NKAIN3: variants seen among roughly 807,000 people sequenced by gnomAD.
NKAIN3 encodes sodium/potassium-transporting ATPase subunit beta-1-interacting protein 3.
In NKAIN3, 25 loss-of-function variants were observed where a neutral mutation model predicts 30.2. That is an observed-to-expected ratio of 0.83 (90% CI 0.60 to 1.16). The LOEUF (loss-of-function observed/expected upper bound fraction) is 1.16. Ranked by LOEUF, NKAIN3 falls within the 50% of genes most tolerant of loss-of-function variation. NKAIN3 has a pLI of 0.00. For synonymous variants in NKAIN3, 91 were observed against 89.6 expected (o/e 1.02, Z -0.09); for missense variants, 225 against 254.1 (o/e 0.89, Z 0.78).
At chr8:62,296,309 C>T (rs1225541631) in intron 1 of NKAIN3, among the ~76,000 whole-genome samples, 3 of 152,090 alleles carry the variant, frequency 2.0e-5, no homozygotes, top group African/African-American at 7.2e-5. Flanking sequence ...GTCATGAGAA[C>T]CAGACTGCTG....
At chr8:62,872,456 A>G (rs1820674684) in intron 4 of NKAIN3, among the ~76,000 whole-genome samples, 2 of 152,218 alleles carry the variant, frequency 1.3e-5, no homozygotes, top group South Asian at 4.1e-4. Context: ...CTCATGCACA[A>G]CAGCTGAGAT....
At chr8:62,780,740 T>C (rs1456116250) in intron 4 of NKAIN3, among the ~76,000 whole-genome samples, 2 of 152,074 alleles carry the variant, frequency 1.3e-5, no homozygotes, top group Non-Finnish European at 2.9e-5. Flanking sequence ...TCAATACCCT[T>C]TCATGAATAA....
chr8:62,361,404 TAA>T (rs1816557875), intron 1 of NKAIN3, among the ~76,000 whole-genome samples: 1 of 152,236 alleles, frequency 6.6e-6, no homozygotes. Context: ...ACTAATAGCG[TAA>T]GCTCTGTGAA....
At chr8:62,667,461 A>G (rs1326775790) in intron 3 of NKAIN3, among the ~76,000 whole-genome samples, 2 of 150,568 alleles carry the variant, frequency 1.3e-5, no homozygotes, top group African/African-American at 4.9e-5. Context: ...TGTGATCGCC[A>G]CACTTTATGC....
intron 3 of NKAIN3, among the ~76,000 whole-genome samples, chr8:62,690,502 G>A (rs1413607421): frequency 6.6e-6 from 1 of 152,150 alleles, no homozygotes; most frequent in Non-Finnish European, 1.5e-5. Flanking sequence ...GTACAATCTG[G>A]GAAGTTTTCC....
rs547692638 is a variant in NKAIN3, at chr8:62,435,305, A to G, written c.55-144234A>G. The stretch of plus-strand genomic sequence containing the variant: ...TAACCAGTTTCTGACTCATAGCAGC[A>G]TCAGATTCTGACACCTGAAGGTTAT... On this transcript the variant is annotated intron_variant, in intron 1 of 6. Transcript: ENST00000623646. Among the ~76,000 whole-genome samples, 8 of 152,250 alleles carry G rather than the reference A, an allele frequency of 5.3e-5. No homozygotes were observed. The East Asian group carries it at 1.4e-3, about 26-fold the overall frequency.
intron 4 of NKAIN3, among the ~76,000 whole-genome samples, chr8:62,755,620 G>A (rs527825255): frequency 9.9e-4 from 150 of 151,698 alleles, no homozygotes; most frequent in Non-Finnish European, 1.9e-3. Flanking sequence ...TGTCCCAAAA[G>A]CCTCCCAGGA....
chr8:62,413,375 T>G (rs555213063), intron 1 of NKAIN3, among the ~76,000 whole-genome samples: 4 of 152,342 alleles, frequency 2.6e-5, no homozygotes, highest in Admixed American at 2.6e-4. Context: ...TTGGGACAAC[T>G]GCCACACCAC....
intron 1 of NKAIN3, among the ~76,000 whole-genome samples, chr8:62,484,476 A>G (rs1806837644): frequency 6.6e-6 from 1 of 152,006 alleles, no homozygotes; most frequent in Non-Finnish European, 1.5e-5. Context: ...GATCTTGGTT[A>G]TGAATAGCCC....
chr8:62,821,295 T>C (rs1340877675), intron 4 of NKAIN3, among the ~76,000 whole-genome samples: 6 of 152,196 alleles, frequency 3.9e-5, no homozygotes, highest in Admixed American at 3.9e-4. Flanking sequence ...TATCCTTTGC[T>C]TATTTGTCTG....
intron 1 of NKAIN3, among the ~76,000 whole-genome samples, chr8:62,551,219 AT>A (rs1809198377): frequency 6.6e-6 from 1 of 152,174 alleles, no homozygotes; most frequent in South Asian, 2.1e-4. Context: ...TCCTAAGTAG[AT>A]AAGAGGGAAT....
rs867823389 is a variant in NKAIN3, at chr8:62,376,034, C to T, written c.54+126907C>T. ...ATGCAATCTCTCTCCTAATGGTGCT[C>T]ATATGCAGTCACTAATGAAAATTGT... On this transcript the variant is annotated intron_variant, in intron 1 of 6. Coordinates refer to ENST00000623646, the MANE Select transcript of NKAIN3 (RefSeq NM_001304533.3). Among the ~76,000 whole-genome samples the T allele has an allele frequency of 1.8e-4, 28 of 152,168 alleles. 1 individual carries two copies. The highest frequency in any genetic ancestry group is 6.3e-3 in the Middle Eastern group (2 of 316).
intron 1 of NKAIN3, among the ~76,000 whole-genome samples, chr8:62,578,433 T>C (rs944362768): frequency 6.6e-6 from 1 of 152,114 alleles, no homozygotes; most frequent in African/African-American, 2.4e-5. Context: ...CAAGATAAAT[T>C]TTCTTGTAGG....
intron 1 of NKAIN3, among the ~76,000 whole-genome samples, chr8:62,360,734 A>C (rs991000795): frequency 9.2e-5 from 14 of 152,078 alleles, no homozygotes; most frequent in African/African-American, 3.4e-4. Flanking sequence ...AAAGTCTCCC[A>C]CTATTATTGT....
intron 3 of NKAIN3, among the ~76,000 whole-genome samples, chr8:62,602,440 A>G (rs1289169010): frequency 1.3e-5 from 2 of 152,126 alleles, no homozygotes; most frequent in East Asian, 3.9e-4. Context: ...GACTCAACTC[A>G]TGGGATAATA....
At chr8:62,649,765 G>A (rs1016056104) in intron 3 of NKAIN3, among the ~76,000 whole-genome samples, 1 of 152,140 alleles carries the variant, frequency 6.6e-6, no homozygotes, top group Non-Finnish European at 1.5e-5. Context: ...GCAGAAAACA[G>A]TGTTGGCATC....
intron 1 of NKAIN3, among the ~76,000 whole-genome samples, chr8:62,380,466 T>G (rs2129593900): frequency 6.6e-6 from 1 of 152,298 alleles, no homozygotes; most frequent in East Asian, 1.9e-4. Context: ...CATTAGATAA[T>G]CCAGCAGGTG....
At chr8:62,771,016 A>G (rs1268862490) in intron 4 of NKAIN3, among the ~76,000 whole-genome samples, 1 of 152,122 alleles carries the variant, frequency 6.6e-6, no homozygotes, top group Non-Finnish European at 1.5e-5. Context: ...CTCAAACTCC[A>G]AGGGGAGAAA....
intron 3 of NKAIN3, among the ~76,000 whole-genome samples, chr8:62,670,667 C>T (rs1385570139): frequency 6.6e-6 from 1 of 152,068 alleles, no homozygotes; most frequent in Non-Finnish European, 1.5e-5. Context: ...TTCAGGTGCT[C>T]ACTAGAGAAG....
Sources: allele counts gnomAD v4.1 joint callset (sites outside exome capture counted in the v4.1 genomes callset), GRCh38; gene constraint gnomAD v4.1.1; transcripts MANE v1.5; gene names NCBI Gene and HGNC (gene_info 2026-07-23, HGNC 2026-07-21).